The following CFAP54 variants were observed in gnomAD, a reference collection of about 807,000 sequenced individuals.
CFAP54 encodes the protein cilia- and flagella-associated protein 54.
In CFAP54, 290 loss-of-function variants were observed where a neutral mutation model predicts 370.4. The ratio of observed to expected loss-of-function variants is 0.78; its 90% CI spans 0.71 to 0.86. The LOEUF (loss-of-function observed/expected upper bound fraction) is 0.86, where lower values mean the gene tolerates loss of function less well. Ranked by LOEUF, CFAP54 falls within the 40% of genes least tolerant of loss-of-function variation. CFAP54 has a pLI of 0.00. For missense variants in CFAP54, 3,399 were observed against 3,528.7 expected, an observed-to-expected ratio of 0.96 and a Z score of 0.93; for synonymous variants, 1,206 against 1,236.5, an observed-to-expected ratio of 0.98 and a Z score of 0.52.
intron 66 of CFAP54, among the ~76,000 whole-genome samples, chr12:96,853,535 A>G (rs1426674376): frequency 1.3e-5 from 2 of 152,220 alleles, no homozygotes; most frequent in East Asian, 3.8e-4. Flanking sequence ...TTATAATTCA[A>G]TCAGAAGAAT....
intron 32 of CFAP54, among the ~76,000 whole-genome samples, chr12:96,642,076 A>AT (rs1307263682): frequency 1.3e-4 from 18 of 140,352 alleles, no homozygotes; most frequent in Middle Eastern, 3.6e-3. Flanking sequence ...CTTAAAGTAT[A>AT]AAAAAAAGAA....
At chr12:96,639,984 C>A (rs1438114697) in intron 32 of CFAP54, among the ~76,000 whole-genome samples, 2 of 152,092 alleles carry the variant, frequency 1.3e-5, no homozygotes, top group Non-Finnish European at 2.9e-5. Context: ...ACTGAATGGG[C>A]AAAAACTGGA....
chr12:96,668,439 G>T (rs996333569), intron 39 of CFAP54, among the ~76,000 whole-genome samples: 2 of 152,186 alleles, frequency 1.3e-5, no homozygotes, highest in Admixed American at 6.5e-5. Flanking sequence ...GAGGAGCAAA[G>T]GCACATCTTA....
chr12:96,798,437 C>T lies in CFAP54; in HGVS notation c.8850+5938C>T, dbSNP rs530354615. On this transcript the variant is annotated intron_variant, in intron 63 of 67. Coordinates refer to ENST00000524981, the MANE Select transcript of CFAP54 (RefSeq NM_001306084.2). ...CAACACATTCAAAACCTCATCTACT[C>T]ATTTCCATTTTTGCTGTTGAGAGTT... 2.6e-5 allele frequency among the ~76,000 whole-genome samples: 4 copies of T among 151,348 alleles called. No homozygotes were observed. The East Asian group carries it at 8.3e-4, about 31-fold the overall frequency.
intron 66 of CFAP54, among the ~76,000 whole-genome samples, chr12:96,850,716 C>A (rs1456307970): frequency 6.6e-6 from 1 of 151,524 alleles, no homozygotes; most frequent in Non-Finnish European, 1.5e-5. Flanking sequence ...AATTGACTCA[C>A]AGTTCTGCAT....
chr12:96,556,413 A>G (rs983858591), intron 17 of CFAP54, among the ~76,000 whole-genome samples: 5 of 152,040 alleles, frequency 3.3e-5, no homozygotes, highest in Non-Finnish European at 7.4e-5. Flanking sequence ...TTTCAAATTA[A>G]ATGCTTTTGC....
intron 66 of CFAP54, among the ~76,000 whole-genome samples, chr12:96,857,880 G>A (rs1678501409): frequency 6.6e-6 from 1 of 152,138 alleles, no homozygotes; most frequent in Non-Finnish European, 1.5e-5. Flanking sequence ...AAATCATCCA[G>A]TCTCAGGCAG....
At chr12:96,874,381 C>T (rs1960239198) in intron 67 of CFAP54, among the ~76,000 whole-genome samples, 1 of 152,158 alleles carries the variant, frequency 6.6e-6, no homozygotes, top group Admixed American at 6.5e-5. Flanking sequence ...TCAGGGACAG[C>T]CTGCATTCTG....
At chr12:96,594,524 A>G (rs1956157116) in intron 25 of CFAP54, 78 bp downstream of exon 25, 2 of 1,181,020 alleles carry the variant, frequency 1.7e-6, no homozygotes, top group African/African-American at 1.5e-5. Context: ...AAGAAAAGCC[A>G]TGTATCTCTT....
intron 58 of CFAP54, among the ~76,000 whole-genome samples, chr12:96,757,807 C>T (rs1427028249): frequency 6.6e-6 from 1 of 151,966 alleles, no homozygotes; most frequent in Non-Finnish European, 1.5e-5. Flanking sequence ...ACATTTCTGC[C>T]TGTGAAAATG....
intron 26 of CFAP54, among the ~76,000 whole-genome samples, chr12:96,601,492 C>G (rs550161540): frequency 6.6e-6 from 1 of 152,210 alleles, no homozygotes; most frequent in Non-Finnish European, 1.5e-5. Flanking sequence ...GGAGGATTCC[C>G]TCTTTTTCTA....
At chr12:96,814,044 G>A (rs1178873216) in intron 64 of CFAP54, among the ~76,000 whole-genome samples, 3 of 152,164 alleles carry the variant, frequency 2.0e-5, no homozygotes, top group South Asian at 2.1e-4. Context: ...TGCTTTGCCC[G>A]TTCCCAGACT....
At chr12:96,816,346 A>G (rs1417223090) in intron 64 of CFAP54, among the ~76,000 whole-genome samples, 1 of 152,166 alleles carries the variant, frequency 6.6e-6, no homozygotes, top group Non-Finnish European at 1.5e-5. Flanking sequence ...GAGTTCACTC[A>G]TGATTTGGCT....
At chr12:96,586,780 G>A (rs1956079344) in intron 22 of CFAP54, among the ~76,000 whole-genome samples, 1 of 152,150 alleles carries the variant, frequency 6.6e-6, no homozygotes, top group African/African-American at 2.4e-5. Context: ...AGTGGACAGC[G>A]ATTGGACAGT....
At chr12:96,758,546 C>T (rs978395418) in intron 58 of CFAP54, among the ~76,000 whole-genome samples, 1 of 152,106 alleles carries the variant, frequency 6.6e-6, no homozygotes, top group African/African-American at 2.4e-5. Context: ...TGGGGAGCTA[C>T]AATTCAAGAT....
chr12:96,531,821 T>A (rs1451037541), intron 9 of CFAP54, among the ~76,000 whole-genome samples: 1 of 152,146 alleles, frequency 6.6e-6, no homozygotes, highest in African/African-American at 2.4e-5. Flanking sequence ...GCCTCCTGGG[T>A]TCAAACGATT....
chr12:96,601,574 C>T (rs929805448), intron 26 of CFAP54, among the ~76,000 whole-genome samples: 2 of 152,200 alleles, frequency 1.3e-5, no homozygotes, highest in Admixed American at 1.3e-4. Flanking sequence ...GGCCGTGAAT[C>T]CATCTGGTCC....
Position 96,657,982 on chromosome 12 carries a change from A to T in CFAP54, c.5201A>T (p.Asp1734Val). 1 of 1,613,724 alleles carries T rather than the reference A, an allele frequency of 6.2e-7. No individual in the cohort carries two copies. The highest frequency in any genetic ancestry group is 8.5e-7 in the Non-Finnish European group (1 of 1,179,720). ...SSLTFEHPLD[D>V]VNVVDLKWIH... is the part of the protein sequence containing the mutation. ...CTTACCTTTGAGCATCCTTTGGATG[A>T]TGTAAATGTGGTTGATTTGAAATGG... Residue 1734 changes from aspartate to valine, a missense_variant, in exon 37 of 68, where the codon GAT (aspartate) becomes GTT (valine). Asp to Val is a radical substitution (Grantham distance 152). Transcript: ENST00000524981.
chr12:96,640,916 A>G (rs1294525759), intron 32 of CFAP54, among the ~76,000 whole-genome samples: 5 of 152,082 alleles, frequency 3.3e-5, no homozygotes, highest in Non-Finnish European at 5.9e-5. Flanking sequence ...ACCTTATACA[A>G]AAATTAATTC....
Sources: allele counts gnomAD v4.1 joint callset (sites outside exome capture counted in the v4.1 genomes callset), GRCh38; gene constraint gnomAD v4.1.1; transcripts MANE v1.5; gene names NCBI Gene and HGNC (gene_info 2026-07-23, HGNC 2026-07-21).